The following UGGT2 variants were observed in gnomAD, a reference collection of about 807,000 sequenced individuals.
UGGT2 encodes the protein UDP-glucose:glycoprotein glucosyltransferase 2.
In UGGT2, 180 loss-of-function variants were observed where a neutral mutation model predicts 192.1. That is an observed-to-expected ratio of 0.94 (90% CI 0.83 to 1.06). The LOEUF (loss-of-function observed/expected upper bound fraction) is 1.06, where lower values mean the gene tolerates loss of function less well. Among genes scored for constraint, UGGT2 ranks in the 50% least tolerant of loss-of-function variants. UGGT2 has a pLI of 0.00. For missense variants in UGGT2, 1,849 were observed against 1,795.7 expected (o/e 1.03, Z -0.54); for synonymous variants, 580 against 591.0 (o/e 0.98, Z 0.27).
At chr13:95,963,689 C>A (rs978995403) in intron 12 of UGGT2, among the ~76,000 whole-genome samples, 1 of 151,978 alleles carries the variant, frequency 6.6e-6, no homozygotes, top group African/African-American at 2.4e-5. Flanking sequence ...AATAAAGTTG[C>A]AGGATATAAA....
At chr13:95,911,415 C>G (rs1393855965) in intron 20 of UGGT2, among the ~76,000 whole-genome samples, 2 of 152,126 alleles carry the variant, frequency 1.3e-5, no homozygotes, top group Non-Finnish European at 2.9e-5. Flanking sequence ...CACCACTGAT[C>G]CCACAGAAAT....
intron 20 of UGGT2, among the ~76,000 whole-genome samples, chr13:95,917,090 T>C (rs1403750622): frequency 1.3e-5 from 2 of 152,038 alleles, no homozygotes; most frequent in African/African-American, 4.8e-5. Flanking sequence ...ACAAGACATA[T>C]AATCATCAGA....
chr13:96,052,062 T>G (rs2053501527), intron 1 of UGGT2, among the ~76,000 whole-genome samples: 2 of 152,198 alleles, frequency 1.3e-5, no homozygotes, highest in Admixed American at 6.5e-5. Context: ...TGCAAAAATG[T>G]GGAACCAATC....
At chr13:95,995,806 C>T (rs2051600036) in intron 7 of UGGT2, 1 of 427,336 alleles carries the variant, frequency 2.3e-6, no homozygotes, top group Admixed American at 4.4e-5. Flanking sequence ...GAAAAACATA[C>T]TGTACACCAA....
intron 22 of UGGT2, among the ~76,000 whole-genome samples, chr13:95,897,463 A>G (rs998653080): frequency 6.6e-6 from 1 of 152,170 alleles, no homozygotes; most frequent in Non-Finnish European, 1.5e-5. Context: ...AGTGTTTTTA[A>G]GAAACTGTGT....
At chr13:95,847,488 A>G (rs1235435621) in intron 36 of UGGT2, among the ~76,000 whole-genome samples, 1 of 152,042 alleles carries the variant, frequency 6.6e-6, no homozygotes, top group African/African-American at 2.4e-5. Context: ...TCTGACAACC[A>G]CTTATCTTTA....
chr13:95,913,391 A>T (rs1337173450), intron 20 of UGGT2, among the ~76,000 whole-genome samples: 1 of 152,206 alleles, frequency 6.6e-6, no homozygotes, highest in Non-Finnish European at 1.5e-5. Context: ...CAAACTTATA[A>T]GAAAAAAACA....
Position 96,053,158 on chromosome 13 carries a change from G to T in UGGT2, c.155C>A (p.Ala52Glu). The change falls in exon 1 of 39, where the codon GCA (alanine) becomes GAA (glutamate). Residue 52 changes from alanine (A) to glutamate (E), a missense_variant. Physicochemically the swap from Ala to Glu is moderately radical, Grantham distance 107 (BLOSUM62 -1). Coordinates refer to ENST00000376747, the MANE Select transcript of UGGT2 (RefSeq NM_020121.4). ...CGAGGGCCCGGCCCGCACCCACCTT[G>T]CCTCCAGCAGCAGCGGGGTCTCGGG... ...KWPETPLLLE[A>E]SEFMAEESNE... 6.6e-7 allele frequency: 1 copy of T among 1,509,954 alleles called. No homozygotes were observed. Among genetic ancestry groups the T allele is most frequent in the Non-Finnish European group, 8.8e-7 (1 of 1,133,402 alleles). The allele number at this position is 1,509,954 out of a possible 1,614,324, so 93.5% of individuals were successfully genotyped here.
chr13:95,965,494 A>G (rs1490857691), intron 12 of UGGT2, among the ~76,000 whole-genome samples: 1 of 151,452 alleles, frequency 6.6e-6, no homozygotes, highest in Non-Finnish European at 1.5e-5. Context: ...CACAAGGACA[A>G]AAAACCAAAC....
rs1009818543 is a variant in UGGT2 at position 95,831,328 on chromosome 13, A to G, written c.4528+1599T>C. 4.6e-5 allele frequency among the ~76,000 whole-genome samples: 7 copies of G among 152,168 alleles called. No individual in the cohort carries two copies. In the East Asian group the frequency reaches 1.2e-3, roughly 25 times the overall value. On this transcript the variant is annotated intron_variant, in intron 38 of 38. Coordinates refer to ENST00000376747, the MANE Select transcript of UGGT2 (RefSeq NM_020121.4). ...AAACTTCTCTCCCTTACTTATATACATATCTATACACAAACACATACATAC... is the reference window on the plus strand; with the variant it reads ...AAACTTCTCTCCCTTACTTATATACGTATCTATACACAAACACATACATAC...
At chr13:95,873,818 G>A (rs150574404) in intron 29 of UGGT2, among the ~76,000 whole-genome samples, 2 of 152,308 alleles carry the variant, frequency 1.3e-5, no homozygotes, top group African/African-American at 2.4e-5. Flanking sequence ...GTGTCACCGC[G>A]ATGATCAGGC....
intron 7 of UGGT2, chr13:95,990,619 A>G (rs557225073): frequency 3.3e-5 from 5 of 152,312 alleles, no homozygotes; most frequent in African/African-American, 9.6e-5. Context: ...CTAAACTGTA[A>G]TCTTCTTTCC....
At chr13:96,004,838 C>A (rs2139034089) in intron 5 of UGGT2, among the ~76,000 whole-genome samples, 1 of 152,176 alleles carries the variant, frequency 6.6e-6, no homozygotes. Flanking sequence ...CCTCCTCTCT[C>A]AGAACTAGAA....
chr13:95,973,856 C>A (rs138484815), intron 10 of UGGT2, among the ~76,000 whole-genome samples: 1 of 152,214 alleles, frequency 6.6e-6, no homozygotes, highest in Non-Finnish European at 1.5e-5. Flanking sequence ...ATCTATCTCA[C>A]ATGTTTGCTA....
At chr13:95,912,540 G>A (rs1183692219) in intron 20 of UGGT2, among the ~76,000 whole-genome samples, 1 of 152,054 alleles carries the variant, frequency 6.6e-6, no homozygotes, top group African/African-American at 2.4e-5. Context: ...GGGATGTGAA[G>A]GACCTCTTCA....
At chr13:95,862,001 TA>T (rs1339282582) in intron 31 of UGGT2, among the ~76,000 whole-genome samples, 2 of 152,306 alleles carry the variant, frequency 1.3e-5, no homozygotes, top group African/African-American at 4.8e-5. Flanking sequence ...CAGTTATCCT[TA>T]ATCATTCTTA....
At chr13:96,039,839 T>C (rs1007138139) in intron 1 of UGGT2, among the ~76,000 whole-genome samples, 1 of 152,202 alleles carries the variant, frequency 6.6e-6, no homozygotes, top group Non-Finnish European at 1.5e-5. Flanking sequence ...TCTTCTAGAT[T>C]CCAATATAAT....
intron 20 of UGGT2, among the ~76,000 whole-genome samples, chr13:95,921,607 C>T (rs572515969): frequency 1.3e-5 from 2 of 151,930 alleles, no homozygotes; most frequent in Non-Finnish European, 2.9e-5. Context: ...CAAAAACAAC[C>T]CCATTACAGA....
chr13:95,862,836 T>C lies in UGGT2; in HGVS notation c.3644+793A>G, dbSNP rs372770242. Among the ~76,000 whole-genome samples, 49 of 152,246 alleles carry C rather than the reference T, an allele frequency of 3.2e-4. 1 individual carries two copies. In the South Asian group the frequency reaches 9.7e-3, roughly 30 times the overall value. ...CAACACCAGGTGTACTCCTGGATTCTTTAGATATCTGAGACAATATATTCC... is the reference window on the plus strand; with the variant it reads ...CAACACCAGGTGTACTCCTGGATTCCTTAGATATCTGAGACAATATATTCC... On this transcript the variant is annotated intron_variant, in intron 31 of 38. Coordinates refer to ENST00000376747, the MANE Select transcript of UGGT2 (RefSeq NM_020121.4).
Sources: allele counts gnomAD v4.1 joint callset (sites outside exome capture counted in the v4.1 genomes callset), GRCh38; gene constraint gnomAD v4.1.1; transcripts MANE v1.5; gene names NCBI Gene and HGNC (gene_info 2026-07-23, HGNC 2026-07-21).